The following CCNT2 variants were observed in gnomAD, a reference collection of about 807,000 sequenced individuals.
CCNT2 encodes cyclin-T2.
Under a neutral mutation model 70.0 loss-of-function variants are expected in CCNT2, and 18 were observed. The observed-to-expected ratio is 0.26, with a 90% CI of 0.18 to 0.38. The LOEUF (loss-of-function observed/expected upper bound fraction) is 0.38. Ranked by LOEUF, CCNT2 falls within the 10% of genes least tolerant of loss-of-function variation. CCNT2 has a pLI of 1.00. For synonymous variants in CCNT2, 334 were observed against 313.3 expected (o/e 1.07, Z -0.70); for missense variants, 734 against 890.2 (o/e 0.82, Z 2.23).
rs1344101412 is a variant in CCNT2 at position 134,954,686 on chromosome 2, T to C, written c.*38T>C. The C allele has an allele frequency of 1.4e-6, 2 of 1,412,116 alleles. No homozygotes were observed. The highest frequency in any genetic ancestry group is 2.0e-6 in the Non-Finnish European group (2 of 1,013,532). The allele number at this position is 1,412,116 out of a possible 1,614,324, so 87.5% of individuals were successfully genotyped here. A position where few individuals can be genotyped will look rare whatever the true frequency, so the allele number is the denominator to read the frequency against. On this transcript the variant is annotated 3_prime_UTR_variant, in exon 9 of 9. Coordinates refer to ENST00000264157, the MANE Select transcript of CCNT2 (RefSeq NM_058241.3). The stretch of plus-strand genomic sequence containing the variant: ...GTCAATTTTTCCTTTACTTTTTTAA[T>C]TTAAAAATTGTTAGAATGGAAAAAT...
chr2:134,936,788 G>GT (rs1681186311), intron 2 of CCNT2, 53 bp from the exon 3 acceptor site: 6 of 1,510,522 alleles, frequency 4.0e-6, no homozygotes, highest in South Asian at 2.4e-5. Flanking sequence ...AAAATAGAGG[G>GT]TTTTTTGAAA....
At chr2:134,931,283 T>TTTTTTTTTTTTTTTTTTTC in intron 2 of CCNT2, among the ~76,000 whole-genome samples, 1 of 144,108 alleles carries the variant, frequency 6.9e-6, no homozygotes, top group Non-Finnish European at 1.5e-5. Context: ...TTTTTTTTTT[T>TTTTTTTTTTTTTTTTTTTC]TTTTGGTATT....
chr2:134,942,402 C>G (rs1282743087), intron 4 of CCNT2, among the ~76,000 whole-genome samples: 1 of 151,536 alleles, frequency 6.6e-6, no homozygotes, highest in Non-Finnish European at 1.5e-5. Flanking sequence ...ATAAATTTAC[C>G]CTTGGTCTTT....
At position 134,954,574 on chromosome 2, in the gene CCNT2, A is replaced by G. The variant is rs758906908; in HGVS notation, c.2119A>G (p.Ser707Gly). The G allele has an allele frequency of 6.2e-7, 1 of 1,614,184 alleles. No individual in the cohort carries two copies. The highest frequency in any genetic ancestry group is 2.2e-5 in the East Asian group (1 of 44,894). Residue 707 changes from serine to glycine, a missense_variant, in exon 9 of 9, where the codon AGC becomes GGC. By Grantham distance (56) the Ser-to-Gly change is moderately conservative. This residue lies in a region of CCNT2 where 532 missense variants were observed against 556.9 expected (regional missense o/e 0.96). Transcript: ENST00000264157. ...PDANHEYSTS[S>G]QHMDYKDTFD... is the part of the protein sequence containing the mutation. ...TGCCAATCACGAGTACAGTACAAGC[A>G]GCCAGCATATGGACTACAAAGACAC...
intron 3 of CCNT2, among the ~76,000 whole-genome samples, chr2:134,937,981 T>C (rs1681289747): frequency 6.6e-6 from 1 of 152,232 alleles, no homozygotes; most frequent in Non-Finnish European, 1.5e-5. Context: ...ATTGAATGAC[T>C]AACAGATTAT....
chr2:134,945,587 A>C, intron 5 of CCNT2: 1 of 985,340 alleles, frequency 1.0e-6, no homozygotes, highest in African/African-American at 1.7e-5. Context: ...TTCTCTGTTG[A>C]TGCTTAATAG....
chr2:134,932,673 G>T (rs1013678531), intron 2 of CCNT2, among the ~76,000 whole-genome samples: 1 of 152,166 alleles, frequency 6.6e-6, no homozygotes, highest in Non-Finnish European at 1.5e-5. Flanking sequence ...CTTAGTGCTG[G>T]TGTTTCTAGT....
chr2:134,946,682 C>CTTT (rs35187705), intron 6 of CCNT2, among the ~76,000 whole-genome samples: 22 of 140,050 alleles, frequency 1.6e-4, no homozygotes, highest in African/African-American at 5.2e-4. Context: ...ACAATTTTTC[C>CTTT]TTTTTTTTTT....
chr2:134,952,791 G>C (rs772509563), intron 8 of CCNT2, 80 bp downstream of exon 8: 20 of 1,031,462 alleles, frequency 1.9e-5, no homozygotes, highest in Non-Finnish European at 2.8e-5. Flanking sequence ...AATTTTTGTG[G>C]TTAAATAATC....
intron 2 of CCNT2, among the ~76,000 whole-genome samples, chr2:134,924,278 T>G (rs1680118944): frequency 6.6e-6 from 1 of 152,194 alleles, no homozygotes; most frequent in Non-Finnish European, 1.5e-5. Flanking sequence ...AGATGAGTGT[T>G]TTCTTTTTAA....
chr2:134,954,849 A>G lies in CCNT2; in HGVS notation c.*201A>G. 1 of 532,532 alleles carries G rather than the reference A, an allele frequency of 1.9e-6. No homozygotes were observed. The highest frequency in any genetic ancestry group is 3.3e-6 in the Non-Finnish European group (1 of 299,766). 33.0% of individuals were successfully genotyped at this position (532,532 alleles called of 1,614,324 possible). ...ATCTCCACATATGATAGTGTTATAA[A>G]TACTGTAAAAGCATGGAAGGTGCAA... On this transcript the variant is annotated 3_prime_UTR_variant, in exon 9 of 9. Transcript: ENST00000264157.
intron 4 of CCNT2, 73 bp from the exon 5 acceptor site, chr2:134,942,538 TA>T: frequency 1.1e-6 from 1 of 947,780 alleles, no homozygotes; most frequent in Non-Finnish European, 1.6e-6. Context: ...AAGAATATAT[TA>T]TACGTTTATG....
At chr2:134,943,812 T>A in intron 5 of CCNT2, 1 of 985,460 alleles carries the variant, frequency 1.0e-6, no homozygotes, top group Non-Finnish European at 1.2e-6. Context: ...AATGTGCCAT[T>A]TTCTGTTACT....
In CCNT2 at chr2:134,953,247, G is replaced by A. The variant is rs370280587; in HGVS notation, c.792G>A (p.Arg264=). The A allele has an allele frequency of 3.7e-6, 6 of 1,606,830 alleles. No individual in the cohort carries two copies. The African/African-American group carries it at 8.0e-5, about 22-fold the overall frequency. ...TTTAATAGGCTAATCAGGCAGCTAGGAAACCAAAAGTAGATGGACAGGTAT... is the reference window on the plus strand; with the variant it reads ...TTTAATAGGCTAATCAGGCAGCTAGAAAACCAAAAGTAGATGGACAGGTAT... ...IRNWRANQAA[R]KPKVDGQVSE... is the part of the protein sequence containing the mutation. The change falls in exon 9 of 9, where the codon AGG becomes AGA. Residue 264 remains arginine, a synonymous_variant. Transcript: ENST00000264157.
intron 1 of CCNT2, 80 bp downstream of exon 1, chr2:134,919,092 C>T: frequency 1.4e-6 from 2 of 1,472,090 alleles, no homozygotes; most frequent in South Asian, 2.6e-5. Flanking sequence ...GAACATGGCG[C>T]CGCCGGCCTC....
In CCNT2 at chr2:134,942,189, G is replaced by A. The variant is rs1053162527; in HGVS notation, c.431-423G>A. Among the ~76,000 whole-genome samples the A allele has an allele frequency of 2.0e-5, 3 of 150,916 alleles. No individual in the cohort carries two copies. The Admixed American group carries it at 2.0e-4, about 10-fold the overall frequency. ...AGAGTGCCGTATCATTTAAAAGCTC[G>A]TTTCTACCACTGTGGCCCAACAGTT... On this transcript the variant is annotated intron_variant, in intron 4 of 8. Coordinates refer to ENST00000264157, the MANE Select transcript of CCNT2 (RefSeq NM_058241.3).
At position 134,959,284 on chromosome 2, in the gene CCNT2, T is replaced by C. The variant is rs1683081026; in HGVS notation, c.*4636T>C. 1.3e-5 allele frequency: 2 copies of C among 152,234 alleles called. No individual in the cohort carries two copies. Among genetic ancestry groups the C allele is most frequent in the Non-Finnish European group, 1.5e-5 (1 of 68,036 alleles). 9.4% of individuals were successfully genotyped at this position (152,234 alleles called of 1,614,324 possible). A position where few individuals can be genotyped will look rare whatever the true frequency, so the allele number is the denominator to read the frequency against. Reference sequence around the variant, plus strand: ...ATGTGTATATGGCATGAATTAGTCATTGACTTTAAGCTTCTTATCCATACA... The same window carrying C: ...ATGTGTATATGGCATGAATTAGTCACTGACTTTAAGCTTCTTATCCATACA... On this transcript the variant is annotated 3_prime_UTR_variant, in exon 9 of 9. Transcript: ENST00000264157.
At chr2:134,947,653 C>A in intron 6 of CCNT2, 83 bp from the exon 7 acceptor site, 1 of 1,078,962 alleles carries the variant, frequency 9.3e-7, no homozygotes, top group Non-Finnish European at 1.3e-6. Flanking sequence ...AAATTTTGCT[C>A]TAATCTTACT....
At chr2:134,945,848 T>G (rs756879756) in intron 5 of CCNT2, 2 of 1,475,110 alleles carry the variant, frequency 1.4e-6, no homozygotes, top group Non-Finnish European at 1.8e-6. Flanking sequence ...AGTTTAGCCC[T>G]TGTAACTGGC....
Sources: allele counts gnomAD v4.1 joint callset (sites outside exome capture counted in the v4.1 genomes callset), GRCh38; gene constraint gnomAD v4.1.1; regional missense constraint gnomAD v4.1.1; transcripts MANE v1.5; gene names NCBI Gene and HGNC (gene_info 2026-07-23, HGNC 2026-07-21).